Variants in KCNH5 observed in about 807,000 individuals in gnomAD.
KCNH5 encodes voltage-gated delayed rectifier potassium channel KCNH5.
Under a neutral mutation model 96.1 loss-of-function variants are expected in KCNH5, and 46 were observed. The ratio of observed to expected loss-of-function variants is 0.48; its 90% CI spans 0.38 to 0.61. The LOEUF is 0.61. Among genes scored for constraint, KCNH5 ranks in the 20% least tolerant of loss-of-function variants. The pLI, the probability that KCNH5 is intolerant of heterozygous loss-of-function variation, is 0.00. For synonymous variants in KCNH5, 439 were observed against 449.8 expected, an observed-to-expected ratio of 0.98 and a Z score of 0.30; for missense variants, 907 against 1,225.8, an observed-to-expected ratio of 0.74 and a Z score of 3.88.
chr14:62,718,374 A>G (rs1884732222), intron 10 of KCNH5, among the ~76,000 whole-genome samples: 1 of 152,186 alleles, frequency 6.6e-6, no homozygotes, highest in African/African-American at 2.4e-5. Context: ...TAAAAACACA[A>G]AAGAAAAATA....
chr14:62,951,752 G>C (rs1890009958), intron 6 of KCNH5, among the ~76,000 whole-genome samples: 1 of 152,114 alleles, frequency 6.6e-6, no homozygotes. Flanking sequence ...CCTGAGGTCA[G>C]GAGTTCAAGA....
chr14:62,938,553 T>C (rs981213758), intron 7 of KCNH5, among the ~76,000 whole-genome samples: 1 of 152,242 alleles, frequency 6.6e-6, no homozygotes, highest in Non-Finnish European at 1.5e-5. Flanking sequence ...TATATTCATC[T>C]ATGAATTTGT....
chr14:62,994,146 C>T (rs1890864069), intron 4 of KCNH5, among the ~76,000 whole-genome samples: 1 of 148,462 alleles, frequency 6.7e-6, no homozygotes, highest in South Asian at 2.1e-4. Context: ...CAATTATGCT[C>T]TTGGCCAAAG....
chr14:62,780,045 C>T (rs1156870204), intron 9 of KCNH5, 121 bp from the exon 10 acceptor site: 2 of 667,952 alleles, frequency 3.0e-6, no homozygotes, highest in Non-Finnish European at 4.7e-6. Flanking sequence ...GAGGGTATAA[C>T]CACATCTATA....
intron 10 of KCNH5, among the ~76,000 whole-genome samples, chr14:62,718,839 T>C (rs752334647): frequency 6.6e-6 from 1 of 152,162 alleles, no homozygotes; most frequent in Non-Finnish European, 1.5e-5. Context: ...GACAAAAATG[T>C]AGTGTATCCA....
chr14:62,732,545 C>T (rs962051047), intron 10 of KCNH5, among the ~76,000 whole-genome samples: 2 of 152,000 alleles, frequency 1.3e-5, no homozygotes, highest in Non-Finnish European at 2.9e-5. Flanking sequence ...TTTGCAGCCA[C>T]TTTAACTAAT....
At chr14:62,976,389 C>A (rs550930395) in intron 6 of KCNH5, among the ~76,000 whole-genome samples, 2 of 130,990 alleles carry the variant, frequency 1.5e-5, no homozygotes, top group African/African-American at 5.8e-5. Flanking sequence ...GGTGACAGAG[C>A]GAGACTCCAT....
In KCNH5 at chr14:62,974,937, T is replaced by C. The variant is rs186442553; in HGVS notation, c.942+5935A>G. 3.3e-5 allele frequency among the ~76,000 whole-genome samples: 5 copies of C among 152,214 alleles called. No homozygotes were observed. In the East Asian group the frequency reaches 9.7e-4, roughly 29 times the overall value. ...TAATCCAGCTGAGGAAACAAACACATACAAATGAAATAATAATACCCCACC... is the reference window on the plus strand; with the variant it reads ...TAATCCAGCTGAGGAAACAAACACACACAAATGAAATAATAATACCCCACC... On this transcript the variant is annotated intron_variant, in intron 6 of 10. Transcript: ENST00000322893.
intron 7 of KCNH5, among the ~76,000 whole-genome samples, chr14:62,864,172 G>T (rs964645567): frequency 1.3e-5 from 2 of 152,100 alleles, no homozygotes; most frequent in Non-Finnish European, 2.9e-5. Flanking sequence ...TTGCTTTAAA[G>T]AAGCAAATTT....
At chr14:62,915,485 C>T (rs1016400146) in intron 7 of KCNH5, among the ~76,000 whole-genome samples, 9 of 152,138 alleles carry the variant, frequency 5.9e-5, no homozygotes, top group Non-Finnish European at 8.8e-5. Context: ...TAAAAATGCA[C>T]ATATAATATT....
intron 7 of KCNH5, among the ~76,000 whole-genome samples, chr14:62,926,402 G>A (rs1447191897): frequency 6.6e-6 from 1 of 152,042 alleles, no homozygotes; most frequent in African/African-American, 2.4e-5. Context: ...TAATGCTTGT[G>A]CACATGCACA....
intron 3 of KCNH5, among the ~76,000 whole-genome samples, 183 bp from the exon 4 acceptor site, chr14:63,001,642 T>C (rs1022556825): frequency 5.9e-5 from 9 of 152,216 alleles, no homozygotes; most frequent in Non-Finnish European, 1.0e-4. Flanking sequence ...CAACTACCAG[T>C]TGTTCAAATT....
intron 7 of KCNH5, among the ~76,000 whole-genome samples, chr14:62,853,484 A>C (rs1415747671): frequency 7.6e-6 from 1 of 130,732 alleles, no homozygotes. Context: ...TATATATCAT[A>C]TATATATATA....
chr14:62,953,909 A>C lies in KCNH5; in HGVS notation c.943-3350T>G, dbSNP rs545581543. 4.3e-4 allele frequency among the ~76,000 whole-genome samples: 66 copies of C among 152,278 alleles called. 2 individuals are homozygous for C. In the South Asian group the frequency reaches 0.012, roughly 29 times the overall value. ...GTATTTCTTTAAAGCACAACTGTCT[A>C]ACCATGTCCCTCTCTAATATAAACT... On this transcript the variant is annotated intron_variant, in intron 6 of 10. Transcript: ENST00000322893.
chr14:62,731,326 AAAAT>A lies in KCNH5; in HGVS notation c.2020-22875_2020-22872del, dbSNP rs1189566279. On this transcript the variant is annotated intron_variant, in intron 10 of 10. Coordinates refer to ENST00000322893, the MANE Select transcript of KCNH5 (RefSeq NM_139318.5). ...AAAAATAATAATAATAATAAATTAA[AAAAT>A]AAATAAATAAAATTAAATTAAAAAT... Among the ~76,000 whole-genome samples the A allele has an allele frequency of 3.3e-5, 5 of 151,660 alleles. No individual in the cohort carries two copies. In the East Asian group the frequency reaches 9.7e-4, roughly 29 times the overall value.
At chr14:62,835,920 T>C (rs1261471519) in intron 8 of KCNH5, among the ~76,000 whole-genome samples, 4 of 152,098 alleles carry the variant, frequency 2.6e-5, no homozygotes, top group African/African-American at 9.7e-5. Flanking sequence ...TGTAGGATGA[T>C]TTCATTACAA....
intron 7 of KCNH5, among the ~76,000 whole-genome samples, chr14:62,928,545 C>A (rs1301869853): frequency 6.6e-6 from 1 of 152,060 alleles, no homozygotes; most frequent in Non-Finnish European, 1.5e-5. Flanking sequence ...AATAATATTA[C>A]TACCCCATTT....
intron 7 of KCNH5, among the ~76,000 whole-genome samples, chr14:62,910,326 T>C (rs1020629645): frequency 6.6e-6 from 1 of 152,124 alleles, no homozygotes; most frequent in Non-Finnish European, 1.5e-5. Context: ...GGAAAACAGA[T>C]GCTCATTTTC....
intron 10 of KCNH5, among the ~76,000 whole-genome samples, chr14:62,736,576 G>A (rs1445148309): frequency 1.3e-5 from 2 of 151,908 alleles, no homozygotes; most frequent in Non-Finnish European, 2.9e-5. Context: ...TTGAGATAAT[G>A]CCCCGCAGGC....
Sources: gnomAD v4.1 joint callset for allele counts (sites outside exome capture counted in the v4.1 genomes callset) on GRCh38, gnomAD v4.1.1 for gene constraint, MANE v1.5 for transcripts, NCBI Gene and HGNC (gene_info 2026-07-23, HGNC 2026-07-21) for gene names.